The following CCDC158 variants were observed in gnomAD, a reference collection of about 807,000 sequenced individuals.
The protein encoded by CCDC158 is coiled-coil domain-containing protein 158.
CCDC158 carries 116 observed loss-of-function variants against 138.6 expected under a neutral mutation model. The ratio of observed to expected loss-of-function variants is 0.84; its 90% CI spans 0.72 to 0.98. CCDC158 has a LOEUF of 0.98. Ranked by LOEUF, CCDC158 falls within the 50% of genes least tolerant of loss-of-function variation. The pLI, the probability that CCDC158 is intolerant of heterozygous loss-of-function variation, is 0.00. For missense variants in CCDC158, 1,265 were observed against 1,306.1 expected (o/e 0.97, Z 0.48); for synonymous variants, 436 against 442.4 (o/e 0.99, Z 0.18).
rs772489421 is a variant in CCDC158 at position 76,334,034 on chromosome 4, G to C, written c.2798C>G (p.Ser933Cys). 5.0e-6 allele frequency: 8 copies of C among 1,612,908 alleles called. No homozygotes were observed. In the South Asian group the frequency reaches 8.8e-5, roughly 18 times the overall value. Residue 933 changes from serine to cysteine, a missense_variant, in exon 19 of 25, where the codon TCT becomes TGT. Ser to Cys is a moderately radical substitution (Grantham distance 112). Transcript: ENST00000682701. ...CACAGCCACATACAAGGCTCCCAGA[G>C]ATGTTCTTCCATCTTCCTCTGTCTT... ...LSKTEEDGRTSLGALYVAVED... is the reference protein window; with the variant it reads ...LSKTEEDGRTCLGALYVAVED...
At chr4:76,348,043 G>A (rs1160535761) in intron 18 of CCDC158, among the ~76,000 whole-genome samples, 3 of 152,054 alleles carry the variant, frequency 2.0e-5, no homozygotes, top group African/African-American at 4.8e-5. Context: ...TTCAGCATTT[G>A]GTGAGGAGCT....
intron 1 of CCDC158, chr4:76,414,493 G>A (rs1729538455): frequency 1.3e-5 from 2 of 152,144 alleles, no homozygotes; most frequent in African/African-American, 4.8e-5. Flanking sequence ...GTACAATAAA[G>A]AAAATAACAA....
chr4:76,372,593 A>T (rs936488503), intron 9 of CCDC158, among the ~76,000 whole-genome samples: 6 of 152,256 alleles, frequency 3.9e-5, no homozygotes, highest in Non-Finnish European at 7.3e-5. Context: ...GTAACAAGTT[A>T]TTAGCTATTG....
chr4:76,401,667 G>A, intron 3 of CCDC158: 1 of 160,534 alleles, frequency 6.2e-6, no homozygotes, highest in South Asian at 1.8e-4. Flanking sequence ...ATCAGTTCTT[G>A]GTAATAAGAT....
intron 24 of CCDC158, among the ~76,000 whole-genome samples, chr4:76,315,782 T>C (rs1167464124): frequency 6.6e-6 from 1 of 152,106 alleles, no homozygotes; most frequent in Non-Finnish European, 1.5e-5. Flanking sequence ...TGAAGATGAA[T>C]CACATCACAG....
At chr4:76,344,994 A>C (rs1165228849) in intron 18 of CCDC158, 2 of 1,442,126 alleles carry the variant, frequency 1.4e-6, no homozygotes, top group Non-Finnish European at 2.0e-6. Context: ...GAGGTAGATG[A>C]CTTCTTTGAG....
chr4:76,346,457 A>G (rs1232177823), intron 18 of CCDC158, among the ~76,000 whole-genome samples: 1 of 152,242 alleles, frequency 6.6e-6, no homozygotes, highest in Non-Finnish European at 1.5e-5. Context: ...CACGCCTGTA[A>G]TCCCAACGCT....
intron 12 of CCDC158, among the ~76,000 whole-genome samples, chr4:76,363,823 A>G (rs1261318968): frequency 6.6e-6 from 1 of 152,080 alleles, no homozygotes; most frequent in Non-Finnish European, 1.5e-5. Context: ...ATGTAGTGTA[A>G]CAATTTAAAA....
At chr4:76,415,687 G>A (rs1342077662) in intron 1 of CCDC158, among the ~76,000 whole-genome samples, 5 of 152,130 alleles carry the variant, frequency 3.3e-5, no homozygotes, top group Non-Finnish European at 7.3e-5. Context: ...TACAGAGATA[G>A]GAGCTGAGGG....
At chr4:76,336,207 A>AAAAG (rs1721491482) in intron 18 of CCDC158, among the ~76,000 whole-genome samples, 1 of 147,702 alleles carries the variant, frequency 6.8e-6, no homozygotes, top group African/African-American at 2.5e-5. Flanking sequence ...AAAAAAAAAA[A>AAAAG]AACCATTCAA....
intron 3 of CCDC158, among the ~76,000 whole-genome samples, chr4:76,399,875 G>A (rs1257976087): frequency 2.6e-5 from 4 of 152,164 alleles, no homozygotes; most frequent in Admixed American, 2.6e-4. Context: ...GGAGTTGACA[G>A]TGGGGGGTGA....
intron 24 of CCDC158, among the ~76,000 whole-genome samples, chr4:76,319,564 C>T (rs1323921033): frequency 2.4e-5 from 3 of 125,394 alleles, no homozygotes; most frequent in African/African-American, 9.2e-5. Flanking sequence ...CTAACTGAAT[C>T]CAACACCATA....
intron 2 of CCDC158, among the ~76,000 whole-genome samples, chr4:76,408,666 T>C (rs998729867): frequency 6.6e-6 from 1 of 152,200 alleles, no homozygotes; most frequent in African/African-American, 2.4e-5. Context: ...TGTGTCTTTA[T>C]AGCCGCATGA....
At chr4:76,375,973 G>A (rs7685876) in intron 9 of CCDC158, among the ~76,000 whole-genome samples, 3,803 of 151,958 alleles carry the variant, frequency 0.025, 152 homozygotes, top group African/African-American at 0.087. Context: ...GACCTTGGGA[G>A]AAAATACTAA....
intron 13 of CCDC158, among the ~76,000 whole-genome samples, chr4:76,359,079 T>A (rs906416873): frequency 5.9e-5 from 9 of 151,716 alleles, no homozygotes; most frequent in Non-Finnish European, 1.5e-5. Flanking sequence ...TGTTTGAAAG[T>A]GTGTAGCACC....
intron 3 of CCDC158, among the ~76,000 whole-genome samples, chr4:76,397,972 T>C (rs1012093118): frequency 6.6e-6 from 1 of 152,096 alleles, no homozygotes; most frequent in Non-Finnish European, 1.5e-5. Flanking sequence ...GAGCAAAAAA[T>C]TGGGGCCATG....
chr4:76,385,075 A>G (rs1726660879), intron 4 of CCDC158, among the ~76,000 whole-genome samples: 1 of 152,208 alleles, frequency 6.6e-6, no homozygotes, highest in African/African-American at 2.4e-5. Flanking sequence ...GTCCTACTAC[A>G]GAGAAATACA....
intron 23 of CCDC158, among the ~76,000 whole-genome samples, chr4:76,323,878 G>T (rs1459270289): frequency 6.6e-6 from 1 of 152,232 alleles, no homozygotes; most frequent in Non-Finnish European, 1.5e-5. Context: ...GGTATTGTAT[G>T]ATGGCAGAGG....
intron 24 of CCDC158, among the ~76,000 whole-genome samples, chr4:76,322,629 A>T (rs1720132173): frequency 6.6e-6 from 1 of 152,228 alleles, no homozygotes; most frequent in African/African-American, 2.4e-5. Context: ...GATAGAAAAG[A>T]TGGCATAAAA....
Sources: gnomAD v4.1 joint callset for allele counts (sites outside exome capture counted in the v4.1 genomes callset) on GRCh38, gnomAD v4.1.1 for gene constraint, MANE v1.5 for transcripts, NCBI Gene and HGNC (gene_info 2026-07-23, HGNC 2026-07-21) for gene names.